The following GARIN1B variants were observed in gnomAD, a reference collection of about 807,000 sequenced individuals.
The protein encoded by GARIN1B is golgi associated RAB2 interactor 1B.
At chr7:128,718,245 C>T in the GARIN1B span, among the ~76,000 whole-genome samples, 3 of 151,956 alleles carry the variant, frequency 2.0e-5, no homozygotes, top group African/African-American at 7.2e-5. Context: ...CCAGCCTGAC[C>T]AACATGATGA....
At chr7:128,723,120 G>A in the GARIN1B span, 4 of 1,455,852 alleles carry the variant, frequency 2.7e-6, no homozygotes, top group African/African-American at 2.8e-5. Flanking sequence ...ACACTTTAGA[G>A]TCTGGACCAT....
chr7:128,723,397 A>G, the GARIN1B span: 9 of 1,547,016 alleles, frequency 5.8e-6, no homozygotes, highest in East Asian at 1.9e-4. Context: ...TCCAGAAACC[A>G]AATAGCTTGG....
chr7:128,717,087 T>C, the GARIN1B span: 8 of 1,185,778 alleles, frequency 6.7e-6, no homozygotes, highest in Admixed American at 1.8e-4. Flanking sequence ...AAGGAGAAGA[T>C]AGAGATGTCA....
chr7:128,712,525 T>C, the GARIN1B span, among the ~76,000 whole-genome samples: 15 of 152,338 alleles, frequency 9.8e-5, no homozygotes, highest in African/African-American at 3.6e-4. Flanking sequence ...CAAAATTGTA[T>C]AAACTCTTGG....
the GARIN1B span, chr7:128,731,179 G>A: frequency 1.4e-6 from 2 of 1,430,068 alleles, no homozygotes; most frequent in Admixed American, 1.7e-5. Flanking sequence ...GCATTCAGCT[G>A]CTGAGGGATT....
the GARIN1B span, chr7:128,715,705 C>T: frequency 4.9e-3 from 7,855 of 1,592,904 alleles, 326 homozygotes; most frequent in African/African-American, 0.091. Context: ...TCTTGGGTGG[C>T]GCAGAATAGC....
chr7:128,711,454 T>A, the GARIN1B span, among the ~76,000 whole-genome samples: 176 of 152,102 alleles, frequency 1.2e-3, no homozygotes, highest in African/African-American at 4.2e-3. Flanking sequence ...TAAGGGAACA[T>A]GCTTGGTCCT....
At chr7:128,717,587 T>C in the GARIN1B span, among the ~76,000 whole-genome samples, 2 of 151,484 alleles carry the variant, frequency 1.3e-5, no homozygotes, top group East Asian at 3.9e-4. Flanking sequence ...GCTGGGATTA[T>C]AGGTGCCTGC....
At chr7:128,718,622 C>G in the GARIN1B span, among the ~76,000 whole-genome samples, 2 of 152,182 alleles carry the variant, frequency 1.3e-5, no homozygotes, top group African/African-American at 4.8e-5. Context: ...GAATCTGAAT[C>G]TTCAGTGGTG....
the GARIN1B span, among the ~76,000 whole-genome samples, chr7:128,728,312 C>T: frequency 2.0e-5 from 3 of 152,002 alleles, 1 homozygote; most frequent in Middle Eastern, 6.8e-3. Flanking sequence ...CATGATGGTG[C>T]GTACCTGTAG....
At chr7:128,723,179 CTTT>C in the GARIN1B span, 2 of 1,595,418 alleles carry the variant, frequency 1.3e-6, no homozygotes, top group Non-Finnish European at 1.7e-6. Context: ...CCTGGTTCTG[CTTT>C]TTTTCTTCAT....
chr7:128,727,109 A>G, the GARIN1B span, among the ~76,000 whole-genome samples: 1 of 152,102 alleles, frequency 6.6e-6, no homozygotes, highest in Non-Finnish European at 1.5e-5. Context: ...TTCTACACCC[A>G]CAGACCCTAC....
chr7:128,718,468 A>C, the GARIN1B span, among the ~76,000 whole-genome samples: 1 of 151,986 alleles, frequency 6.6e-6, no homozygotes, highest in Non-Finnish European at 1.5e-5. Flanking sequence ...AGAAAAGAAA[A>C]ACAGAAAGAA....
chr7:128,725,604 TTA>T, the GARIN1B span, among the ~76,000 whole-genome samples: 1 of 152,210 alleles, frequency 6.6e-6, no homozygotes, highest in Non-Finnish European at 1.5e-5. Context: ...ACTCCTGGCC[TTA>T]TGTGATCCAT....
the GARIN1B span, chr7:128,718,684 C>T: frequency 1.0e-6 from 1 of 963,382 alleles, no homozygotes. Flanking sequence ...TTGGTCTCCC[C>T]AACAATTGAG....
the GARIN1B span, among the ~76,000 whole-genome samples, chr7:128,721,668 G>C: frequency 2.4e-4 from 36 of 152,122 alleles, no homozygotes; most frequent in Non-Finnish European, 3.8e-4. Flanking sequence ...TCTTGTTCCT[G>C]ATCTTAGGAA....
chr7:128,715,511 T>G, the GARIN1B span: 1 of 1,614,154 alleles, frequency 6.2e-7, no homozygotes, highest in Non-Finnish European at 8.5e-7. Flanking sequence ...CACAAGATCC[T>G]ATCCAACCTT....
chr7:128,717,889 A>C, the GARIN1B span, among the ~76,000 whole-genome samples: 1 of 151,828 alleles, frequency 6.6e-6, no homozygotes, highest in Non-Finnish European at 1.5e-5. Flanking sequence ...AATCTGTAGG[A>C]TATCTCAAGA....
chr7:128,716,240 G>A, the GARIN1B span, among the ~76,000 whole-genome samples: 1 of 152,174 alleles, frequency 6.6e-6, no homozygotes, highest in Non-Finnish European at 1.5e-5. Flanking sequence ...CTCGGTGCAC[G>A]TTCGTCTCCT....
Sources: allele counts gnomAD v4.1 joint callset (sites outside exome capture counted in the v4.1 genomes callset), GRCh38; gene constraint gnomAD v4.1.1; transcripts MANE v1.5; gene names NCBI Gene and HGNC (gene_info 2026-07-23, HGNC 2026-07-21).